The following KCNJ6 variants were observed in gnomAD, a reference collection of about 807,000 sequenced individuals.
The protein encoded by KCNJ6 is potassium inwardly rectifying channel subfamily J member 6.
KCNJ6 carries 9 observed loss-of-function variants against 34.2 expected under a neutral mutation model. The observed-to-expected ratio is 0.26, with a 90% CI of 0.16 to 0.46. The LOEUF (loss-of-function observed/expected upper bound fraction) is 0.46, where lower values mean the gene tolerates loss of function less well. KCNJ6 is among the 20% of genes least tolerant of loss of function. The pLI, the probability that KCNJ6 is intolerant of heterozygous loss-of-function variation, is 1.00. For synonymous variants in KCNJ6, 196 were observed against 207.1 expected, an observed-to-expected ratio of 0.95 and a Z score of 0.46; for missense variants, 236 against 531.3, an observed-to-expected ratio of 0.44 and a Z score of 5.46.
chr21:37,896,219 G>A (rs2055787579), intron 1 of KCNJ6, among the ~76,000 whole-genome samples: 1 of 152,222 alleles, frequency 6.6e-6, no homozygotes, highest in South Asian at 2.1e-4. Flanking sequence ...ATAGTGCATG[G>A]ATGGTGTTAA....
chr21:37,748,402 G>GGAGT (rs1013409277), intron 2 of KCNJ6, among the ~76,000 whole-genome samples: 1 of 152,220 alleles, frequency 6.6e-6, no homozygotes, highest in African/African-American at 2.4e-5. Flanking sequence ...GAACAGGGTA[G>GGAGT]GAGTGGGTGG....
Position 37,695,322 on chromosome 21 carries a change from A to T in KCNJ6, c.946+18889T>A, listed in dbSNP as rs2054659211. ...GTCCAACTATTCTTAGTGCTGTGAC[A>T]TGAAGAAATTTCCCCAGAGAGTTTG... On this transcript the variant is annotated intron_variant, in intron 3 of 3. Coordinates refer to ENST00000609713, the MANE Select transcript of KCNJ6 (RefSeq NM_002240.5). The surrounding 1 kb of genome is among the most constrained non-coding windows in gnomAD (Gnocchi z 4.2). 6.6e-6 allele frequency among the ~76,000 whole-genome samples: 1 copy of T among 152,230 alleles called. No individual in the cohort carries two copies. The highest frequency in any genetic ancestry group is 1.5e-5 in the Non-Finnish European group (1 of 68,036).
intron 2 of KCNJ6, among the ~76,000 whole-genome samples, chr21:37,717,874 C>CCTGCCTCCCCTCCATCTCCAATTTG (rs2054802054): frequency 6.6e-6 from 1 of 152,206 alleles, no homozygotes; most frequent in Admixed American, 6.6e-5. Context: ...GAAATTTATT[C>CCTGCCTCCCCTCCATCTCCAATTTG]CTGCCTCCCC....
At chr21:37,823,628 T>A (rs2055384702) in intron 2 of KCNJ6, among the ~76,000 whole-genome samples, 1 of 152,250 alleles carries the variant, frequency 6.6e-6, no homozygotes, top group South Asian at 2.1e-4. Flanking sequence ...CCTGCCGCCA[T>A]GTGAAGAAGG....
intron 2 of KCNJ6, among the ~76,000 whole-genome samples, chr21:37,828,436 C>T (rs1325736032): frequency 3.3e-5 from 5 of 152,166 alleles, no homozygotes; most frequent in African/African-American, 9.7e-5. Flanking sequence ...ATTCAGGGAG[C>T]CTGTGGGCTG....
At chr21:37,666,148 A>G (rs956995470) in intron 3 of KCNJ6, among the ~76,000 whole-genome samples, 3 of 152,126 alleles carry the variant, frequency 2.0e-5, no homozygotes, top group Non-Finnish European at 4.4e-5. Flanking sequence ...GAGTGAAGGG[A>G]TCCTATCCTT....
chr21:37,683,642 A>G (rs573274448), intron 3 of KCNJ6, among the ~76,000 whole-genome samples: 113 of 152,334 alleles, frequency 7.4e-4, no homozygotes, highest in Middle Eastern at 3.4e-3. Context: ...TGAAAAGGGT[A>G]GGAAAGACCA....
At chr21:37,827,958 T>G (rs1449365474) in intron 2 of KCNJ6, among the ~76,000 whole-genome samples, 1 of 152,124 alleles carries the variant, frequency 6.6e-6, no homozygotes, top group African/African-American at 2.4e-5. Context: ...AGGGGTTAAG[T>G]GAGTTGCCTG....
intron 2 of KCNJ6, chr21:37,717,122 C>T (rs1400006766): frequency 6.5e-6 from 1 of 154,414 alleles, no homozygotes; most frequent in Non-Finnish European, 1.5e-5. Flanking sequence ...GTGTTTCAGC[C>T]TCAGGAAGAG....
At chr21:37,749,665 A>G (rs549077428) in intron 2 of KCNJ6, among the ~76,000 whole-genome samples, 1 of 152,348 alleles carries the variant, frequency 6.6e-6, no homozygotes, top group South Asian at 2.1e-4. Context: ...GCAAGGAGCT[A>G]GGAAAGTTAT....
At chr21:37,739,345 G>A (rs188700299) in intron 2 of KCNJ6, among the ~76,000 whole-genome samples, 3 of 152,266 alleles carry the variant, frequency 2.0e-5, no homozygotes, top group Non-Finnish European at 4.4e-5. Flanking sequence ...ACTGAGGAAC[G>A]CCAGCTCTTA....
chr21:37,728,575 A>T (rs768297751), intron 2 of KCNJ6, among the ~76,000 whole-genome samples: 2 of 152,192 alleles, frequency 1.3e-5, no homozygotes, highest in African/African-American at 2.4e-5. Flanking sequence ...AAGAGCTACG[A>T]TGCTATAGCT....
intron 3 of KCNJ6, among the ~76,000 whole-genome samples, chr21:37,711,099 G>T (rs1312902001): frequency 6.6e-6 from 1 of 152,208 alleles, no homozygotes; most frequent in Non-Finnish European, 1.5e-5. Context: ...GCCATGAAAG[G>T]GGGGCTCGCT....
chr21:37,877,227 A>C (rs531107753), intron 1 of KCNJ6, among the ~76,000 whole-genome samples: 86 of 152,146 alleles, frequency 5.7e-4, no homozygotes, highest in African/African-American at 2.0e-3. Context: ...CCACCCTCTC[A>C]CCTTTTCTCC....
rs141571530 is a variant in KCNJ6 at position 37,739,525 on chromosome 21, G to C, written c.26-24394C>G. 7.2e-5 allele frequency among the ~76,000 whole-genome samples: 11 copies of C among 152,278 alleles called. 1 individual carries two copies. The East Asian group carries it at 1.9e-3, about 27-fold the overall frequency. ...ATAATGTGATATAATAAGGGGTATT[G>C]AACACAACTAATCAAAAAATGGTTG... On this transcript the variant is annotated intron_variant, in intron 2 of 3. Transcript: ENST00000609713.
chr21:37,736,154 A>C (rs1359258189), intron 2 of KCNJ6, among the ~76,000 whole-genome samples: 1 of 152,002 alleles, frequency 6.6e-6, no homozygotes, highest in East Asian at 1.9e-4. Context: ...TTGGTCCCAT[A>C]ACTTCTACCA....
intron 1 of KCNJ6, among the ~76,000 whole-genome samples, chr21:37,910,769 T>A (rs1048291981): frequency 4.6e-5 from 7 of 152,252 alleles, no homozygotes; most frequent in Admixed American, 6.5e-5. Flanking sequence ...CTTGGATACA[T>A]TTGTATAGAC....
chr21:37,839,945 T>C (rs1311739729), intron 2 of KCNJ6, among the ~76,000 whole-genome samples: 2 of 152,110 alleles, frequency 1.3e-5, no homozygotes, highest in Non-Finnish European at 2.9e-5. Flanking sequence ...ATTGCAGGCA[T>C]GCACCACCAT....
At chr21:37,900,741 T>C (rs1362757858) in intron 1 of KCNJ6, among the ~76,000 whole-genome samples, 1 of 152,024 alleles carries the variant, frequency 6.6e-6, no homozygotes, top group Non-Finnish European at 1.5e-5. Flanking sequence ...GGCCTGGACA[T>C]ATGGAGCAAG....
Sources: gnomAD v4.1 joint callset for allele counts (sites outside exome capture counted in the v4.1 genomes callset) on GRCh38, gnomAD v4.1.1 for gene constraint, Gnocchi (gnomAD v3.1) non-coding constraint, MANE v1.5 for transcripts, NCBI Gene and HGNC (gene_info 2026-07-23, HGNC 2026-07-21) for gene names.